The following BLTP2 variants were observed in gnomAD, a reference collection of about 807,000 sequenced individuals.
BLTP2 encodes U937-associated antigen.
At chr17:28,630,343 A>T in the BLTP2 span, among the ~76,000 whole-genome samples, 16 of 151,852 alleles carry the variant, frequency 1.1e-4, no homozygotes, top group African/African-American at 3.9e-4. Flanking sequence ...TTTTTGGTAG[A>T]GACAGGGTTT....
the BLTP2 span, chr17:28,640,571 A>G: frequency 6.2e-7 from 1 of 1,614,136 alleles, no homozygotes. Flanking sequence ...TCTTTTGACT[A>G]TTCATGGACA....
At chr17:28,637,239 T>A in the BLTP2 span, 1 of 1,210,052 alleles carries the variant, frequency 8.3e-7, no homozygotes, top group Non-Finnish European at 1.2e-6. Context: ...CTCACTCGCC[T>A]TTCTCACTTA....
the BLTP2 span, among the ~76,000 whole-genome samples, chr17:28,641,683 G>T: frequency 4.0e-5 from 6 of 151,538 alleles, no homozygotes; most frequent in East Asian, 1.2e-3. Context: ...CATAGTACAG[G>T]TCTAACTCAT....
chr17:28,643,409 T>G, the BLTP2 span: 3 of 1,510,960 alleles, frequency 2.0e-6, no homozygotes, highest in Non-Finnish European at 2.7e-6. Flanking sequence ...CCTAGAAATA[T>G]AGCTCAAATC....
At chr17:28,637,254 C>G in the BLTP2 span, 10 of 1,047,772 alleles carry the variant, frequency 9.5e-6, no homozygotes, top group Non-Finnish European at 1.3e-5. Flanking sequence ...CACTTATTCC[C>G]TTAACTATCT....
At chr17:28,636,208 C>CAG in the BLTP2 span, among the ~76,000 whole-genome samples, 2 of 152,198 alleles carry the variant, frequency 1.3e-5, no homozygotes, top group African/African-American at 4.8e-5. Flanking sequence ...ATAAAATTCT[C>CAG]AAGTTCTAGT....
the BLTP2 span, among the ~76,000 whole-genome samples, chr17:28,619,297 T>C: frequency 1.3e-5 from 2 of 152,056 alleles, no homozygotes; most frequent in Non-Finnish European, 2.9e-5. Flanking sequence ...AAAAAAGATA[T>C]TTTCAGTTCA....
At chr17:28,638,716 C>T in the BLTP2 span, 6 of 850,812 alleles carry the variant, frequency 7.1e-6, no homozygotes, top group Non-Finnish European at 9.5e-6. Context: ...GTTTCTGAAG[C>T]TCTCACAATC....
chr17:28,642,113 G>A, the BLTP2 span: 1 of 1,604,830 alleles, frequency 6.2e-7, no homozygotes, highest in Non-Finnish European at 8.5e-7. Context: ...GTGTATGTAA[G>A]AAAGTTTGGA....
chr17:28,632,074 T>C, the BLTP2 span: 15 of 1,613,920 alleles, frequency 9.3e-6, no homozygotes, highest in African/African-American at 6.7e-5. Flanking sequence ...GAGGGCTGTA[T>C]AGGAAAGTTG....
chr17:28,643,948 G>A, the BLTP2 span: 1 of 1,342,384 alleles, frequency 7.4e-7, no homozygotes, highest in Non-Finnish European at 1.0e-6. Context: ...GGCAAGGCTG[G>A]GATTAACTAG....
chr17:28,643,306 T>C, the BLTP2 span: 3 of 1,613,954 alleles, frequency 1.9e-6, no homozygotes, highest in African/African-American at 1.3e-5. Context: ...CAATGCCACA[T>C]AGTGTCTGCC....
chr17:28,619,630 G>C, the BLTP2 span: 17 of 1,612,608 alleles, frequency 1.1e-5, no homozygotes, highest in African/African-American at 1.1e-4. Flanking sequence ...ACTGGAAAAG[G>C]GCAAGGAAAG....
chr17:28,621,527 C>T, the BLTP2 span: 2 of 1,554,684 alleles, frequency 1.3e-6, no homozygotes, highest in Non-Finnish European at 1.8e-6. Flanking sequence ...GCAACTTTAG[C>T]TCCTGGGAAA....
At chr17:28,625,352 A>AAAAAAAG in the BLTP2 span, among the ~76,000 whole-genome samples, 4 of 150,392 alleles carry the variant, frequency 2.7e-5, no homozygotes, top group African/African-American at 7.3e-5. Flanking sequence ...AAAAAAAAAA[A>AAAAAAAG]AAAAAAGAAA....
chr17:28,635,567 CT>C, the BLTP2 span: 1 of 1,614,060 alleles, frequency 6.2e-7, no homozygotes, highest in Non-Finnish European at 8.5e-7. Context: ...TACATGTGAT[CT>C]GGGGGGCTCC....
the BLTP2 span, chr17:28,639,153 C>A: frequency 1.4e-6 from 1 of 710,714 alleles, no homozygotes; most frequent in Non-Finnish European, 2.4e-6. Context: ...ATCAAGGAGT[C>A]TAGTCTAATG....
At chr17:28,642,228 T>C in the BLTP2 span, 248 of 1,605,982 alleles carry the variant, frequency 1.5e-4, no homozygotes, top group African/African-American at 3.0e-3. Context: ...CTTCACACTT[T>C]ACGCCCAGGA....
the BLTP2 span, chr17:28,640,813 C>T: frequency 2.5e-6 from 2 of 797,642 alleles, no homozygotes; most frequent in African/African-American, 1.7e-5. Context: ...GCTGGATGGA[C>T]CATAAGGCGA....
Sources: allele counts gnomAD v4.1 joint callset (sites outside exome capture counted in the v4.1 genomes callset), GRCh38; gene constraint gnomAD v4.1.1; transcripts MANE v1.5; gene names NCBI Gene and HGNC (gene_info 2026-07-23, HGNC 2026-07-21).